Variants in BNC2 observed in about 807,000 individuals in gnomAD.
BNC2 encodes basonuclin zinc finger protein 2, also known as zinc finger protein basonuclin-2.
A neutral mutation model predicts 76.3 loss-of-function variants in BNC2; 20 were observed. That is an observed-to-expected ratio of 0.26 (90% confidence interval 0.18 to 0.38). BNC2 has a LOEUF of 0.38. Among genes scored for constraint, BNC2 ranks in the 10% least tolerant of loss-of-function variants. The probability of loss-of-function intolerance (pLI) is 1.00; values close to 1 mark genes in which losing one functional copy is unlikely to be tolerated. For missense variants in BNC2, 1,382 were observed against 1,399.8 expected, an observed-to-expected ratio of 0.99 and a Z score of 0.20; for synonymous variants, 582 against 514.8, an observed-to-expected ratio of 1.13 and a Z score of -1.77.
At chr9:16,697,772 C>T (rs1417464754) in intron 3 of BNC2, among the ~76,000 whole-genome samples, 1 of 150,568 alleles carries the variant, frequency 6.6e-6, no homozygotes, top group Non-Finnish European at 1.5e-5. Context: ...GTATATATAA[C>T]CTCTTAGTTT....
Position 16,602,366 on chromosome 9 carries a change from G to T in BNC2, c.331-19281C>A, listed in dbSNP as rs567381895. 1.6e-4 allele frequency among the ~76,000 whole-genome samples: 24 copies of T among 152,180 alleles called. No individual in the cohort carries two copies. In the South Asian group the frequency reaches 5.0e-3, roughly 32 times the overall value. Reference sequence around the variant, plus strand: ...ATTTTCATAGGTAACTTAGTATTTGGAAGTCCCAACATTAGGTAAGGTGAA... The same window carrying T: ...ATTTTCATAGGTAACTTAGTATTTGTAAGTCCCAACATTAGGTAAGGTGAA... On this transcript the variant is annotated intron_variant, in intron 3 of 6. Transcript: ENST00000380672.
At chr9:16,783,393 C>A (rs1826204184) in intron 1 of BNC2, among the ~76,000 whole-genome samples, 2 of 152,078 alleles carry the variant, frequency 1.3e-5, no homozygotes, top group Non-Finnish European at 2.9e-5. Flanking sequence ...ATTTCCAGGA[C>A]AAAAATGTTA....
intron 3 of BNC2, among the ~76,000 whole-genome samples, chr9:16,702,209 T>C (rs942044588): frequency 1.3e-5 from 2 of 152,182 alleles, no homozygotes; most frequent in Non-Finnish European, 2.9e-5. Context: ...AGCTTTAGTG[T>C]GGTCTTAGTT....
intron 3 of BNC2, among the ~76,000 whole-genome samples, chr9:16,631,340 C>T (rs781165938): frequency 6.6e-6 from 1 of 152,138 alleles, no homozygotes; most frequent in Non-Finnish European, 1.5e-5. Flanking sequence ...AGAACCCATA[C>T]CCCCACCGAA....
chr9:16,725,036 T>C (rs1340821), intron 3 of BNC2, among the ~76,000 whole-genome samples: 30,518 of 152,056 alleles, frequency 0.2, 4,243 homozygotes, highest in East Asian at 0.65. Context: ...ATAATCATAA[T>C]CTAGAGAAAC....
intron 1 of BNC2, among the ~76,000 whole-genome samples, chr9:16,832,703 GA>G (rs771745413): frequency 6.6e-6 from 1 of 151,960 alleles, no homozygotes; most frequent in Non-Finnish European, 1.5e-5. Flanking sequence ...CAAAACCTGA[GA>G]AAAGTCCCTG....
At position 16,435,817 on chromosome 9, in the gene BNC2, G is replaced by C. The variant is rs149857656; in HGVS notation, c.2377C>G (p.Leu793Val). ...YDMFYMSQYGLYNGGGASMAA... is the reference protein window; with the variant it reads ...YDMFYMSQYGVYNGGGASMAA... Reference sequence around the variant, plus strand: ...ATGCTGGCACCCCCACCATTGTACAGTCCATACTGGCTCATGTAAAACATG... The same window carrying C: ...ATGCTGGCACCCCCACCATTGTACACTCCATACTGGCTCATGTAAAACATG... The change falls in exon 6 of 7, where the codon CTG becomes GTG. Residue 793 changes from leucine to valine, a missense_variant. Physicochemically the swap from Leu to Val is conservative, Grantham distance 32. Transcript: ENST00000380672. 6.2e-6 allele frequency: 10 copies of C among 1,614,016 alleles called. No homozygotes were observed. The highest frequency in any genetic ancestry group is 8.5e-6 in the Non-Finnish European group (10 of 1,180,022).
At chr9:16,437,621 A>T in intron 5 of BNC2, 97 bp from the exon 6 acceptor site, 1 of 1,416,952 alleles carries the variant, frequency 7.1e-7, no homozygotes, top group African/African-American at 1.4e-5. Context: ...GTGTGCTCAT[A>T]AAACACTGAG....
chr9:16,685,600 A>G (rs781107178), intron 3 of BNC2: 1 of 1,304,300 alleles, frequency 7.7e-7, no homozygotes, highest in Admixed American at 2.3e-5. Context: ...GTCTGCCCCC[A>G]GCACTCTGCC....
At chr9:16,865,617 A>T (rs1174895392) in intron 1 of BNC2, among the ~76,000 whole-genome samples, 1 of 152,228 alleles carries the variant, frequency 6.6e-6, no homozygotes, top group Non-Finnish European at 1.5e-5. Flanking sequence ...ATTTTAAATT[A>T]TAACAGCAAA....
chr9:16,739,984 T>C (rs1369508674), intron 1 of BNC2, among the ~76,000 whole-genome samples: 1 of 151,654 alleles, frequency 6.6e-6, no homozygotes, highest in Non-Finnish European at 1.5e-5. Flanking sequence ...AGTTATCACA[T>C]CCAGCAGCCA....
chr9:16,849,877 A>C (rs1460267867), intron 1 of BNC2, among the ~76,000 whole-genome samples: 1 of 152,218 alleles, frequency 6.6e-6, no homozygotes, highest in Non-Finnish European at 1.5e-5. Flanking sequence ...CTCTTTGGCA[A>C]CTACTTTTTC....
intron 3 of BNC2, among the ~76,000 whole-genome samples, chr9:16,593,778 G>A (rs751791842): frequency 6.6e-6 from 1 of 151,742 alleles, no homozygotes; most frequent in Non-Finnish European, 1.5e-5. Context: ...TCCATGAACA[G>A]ACCTATCACC....
intron 1 of BNC2, among the ~76,000 whole-genome samples, chr9:16,772,275 G>C (rs1018628475): frequency 1.3e-5 from 2 of 152,072 alleles, no homozygotes; most frequent in African/African-American, 4.8e-5. Context: ...CTGTGAGCCA[G>C]TATCAGAGTT....
rs1563814965 is a variant in BNC2, at chr9:16,506,511, C to CTT, written c.669+46018_669+46019insAA. On this transcript the variant is annotated intron_variant, in intron 5 of 6. Transcript: ENST00000380672. ...AAGTACACTTCTCTCTCTCTCTCTC[C>CTT]TCTTTTTTTTTTTTTTTTTTTTTTT... Among the ~76,000 whole-genome samples the CTT allele has an allele frequency of 4.7e-4, 38 of 81,448 alleles. 2 individuals are homozygous for CTT. Among genetic ancestry groups the CTT allele is most frequent in the African/African-American group, 1.9e-3 (35 of 18,102 alleles). 53.4% of individuals were successfully genotyped at this position (81,448 alleles called of 152,430 possible).
intron 3 of BNC2, among the ~76,000 whole-genome samples, chr9:16,624,876 A>C (rs1820951400): frequency 6.6e-6 from 1 of 152,202 alleles, no homozygotes; most frequent in South Asian, 2.1e-4. Flanking sequence ...AAGGCCAGCA[A>C]GCACTTCCTA....
intron 3 of BNC2, among the ~76,000 whole-genome samples, chr9:16,667,769 A>C (rs1008651372): frequency 1.3e-5 from 2 of 152,214 alleles, no homozygotes; most frequent in African/African-American, 4.8e-5. Context: ...TTGAGGACCT[A>C]CTATGTATGG....
chr9:16,435,573 G>C lies in BNC2; in HGVS notation c.2621C>G (p.Ser874Cys). 5 of 1,614,048 alleles carry C rather than the reference G, an allele frequency of 3.1e-6. No homozygotes were observed. The highest frequency in any genetic ancestry group is 4.2e-6 in the Non-Finnish European group (5 of 1,180,016). The change falls in exon 6 of 7, where the codon TCT becomes TGT. Residue 874 changes from serine to cysteine, a missense_variant. By Grantham distance (112) the Ser-to-Cys change is moderately radical (BLOSUM62 -1). Around this residue, in one of 3 missense-constraint regions of BNC2, gnomAD observed 798 missense variants for 775.5 expected, o/e 1.03. Coordinates refer to ENST00000380672, the MANE Select transcript of BNC2 (RefSeq NM_017637.6). ...TACTGACCTGTCTCGGCTTCGGCGA[G>C]AGGGGAATGCAGCATTGCAACCAGC... ...TVAGCNAAFP[S>C]RRSRDRHSAN...
intron 1 of BNC2, among the ~76,000 whole-genome samples, chr9:16,747,222 AT>A (rs1825036602): frequency 6.6e-6 from 1 of 152,184 alleles, no homozygotes; most frequent in Non-Finnish European, 1.5e-5. Context: ...GCTTCTAGAG[AT>A]TTGAGAAATT....
Sources: allele counts gnomAD v4.1 joint callset (sites outside exome capture counted in the v4.1 genomes callset), GRCh38; gene constraint gnomAD v4.1.1; regional missense constraint gnomAD v4.1.1; transcripts MANE v1.5; gene names NCBI Gene and HGNC (gene_info 2026-07-23, HGNC 2026-07-21).